The following CTNNA3 variants were observed in gnomAD, a reference collection of about 807,000 sequenced individuals.
The protein encoded by CTNNA3 is catenin alpha-3.
CTNNA3 carries 76 observed loss-of-function variants against 95.7 expected under a neutral mutation model. The ratio of observed to expected loss-of-function variants is 0.79; its 90% CI spans 0.66 to 0.96. The LOEUF is 0.96. Ranked by LOEUF, CTNNA3 falls within the 40% of genes least tolerant of loss-of-function variation. CTNNA3 has a pLI of 0.00. For missense variants in CTNNA3, 1,191 were observed against 1,089.8 expected, an observed-to-expected ratio of 1.09 and a Z score of -1.31; for synonymous variants, 431 against 374.4, an observed-to-expected ratio of 1.15 and a Z score of -1.74.
At chr10:67,367,939 C>T (rs974424762) in intron 5 of CTNNA3, among the ~76,000 whole-genome samples, 1 of 152,042 alleles carries the variant, frequency 6.6e-6, no homozygotes, top group Non-Finnish European at 1.5e-5. Context: ...GGGTACTATG[C>T]TCAGTATGTG....
At position 66,048,336 on chromosome 10, in the gene CTNNA3, T is replaced by C. The variant is rs141749348; in HGVS notation, c.2159+20972A>G. On this transcript the variant is annotated intron_variant, in intron 15 of 17. Coordinates refer to ENST00000433211, the MANE Select transcript of CTNNA3 (RefSeq NM_013266.4). ...AAATAAAGCTGCACATCTACAACCATCTGATCTTTGACAAAGCTGACAAAA... is the reference window on the plus strand; with the variant it reads ...AAATAAAGCTGCACATCTACAACCACCTGATCTTTGACAAAGCTGACAAAA... 9.0e-3 allele frequency among the ~76,000 whole-genome samples: 1,373 copies of C among 152,220 alleles called. 21 individuals carry two copies. The highest frequency in any genetic ancestry group is 0.031 in the African/African-American group (1,279 of 41,542).
intron 3 of CTNNA3, among the ~76,000 whole-genome samples, chr10:67,541,286 A>G (rs1393627490): frequency 1.3e-5 from 2 of 151,996 alleles, no homozygotes; most frequent in Non-Finnish European, 2.9e-5. Flanking sequence ...GGTCTGTCTT[A>G]TCCATTTATG....
At chr10:67,174,375 A>G (rs757999390) in intron 7 of CTNNA3, among the ~76,000 whole-genome samples, 6 of 152,222 alleles carry the variant, frequency 3.9e-5, no homozygotes, top group East Asian at 1.9e-4. Context: ...CTTTTCCCCA[A>G]TGAGCACTGC....
At chr10:66,516,326 GGAA>G (rs1216171375) in intron 11 of CTNNA3, among the ~76,000 whole-genome samples, 14 of 152,090 alleles carry the variant, frequency 9.2e-5, no homozygotes, top group African/African-American at 3.4e-4. Context: ...AGAGAGCAGT[GGAA>G]ACCACTCAGT....
intron 1 of CTNNA3, among the ~76,000 whole-genome samples, chr10:67,724,631 A>T (rs1439990608): frequency 6.6e-6 from 1 of 152,208 alleles, no homozygotes; most frequent in African/African-American, 2.4e-5. Context: ...CAATGGGGGC[A>T]AGGAGCTGAT....
chr10:66,757,720 T>C (rs888297579), intron 9 of CTNNA3, among the ~76,000 whole-genome samples: 1 of 152,210 alleles, frequency 6.6e-6, no homozygotes, highest in African/African-American at 2.4e-5. Flanking sequence ...TCTCCTCTCT[T>C]CATTTAAATA....
intron 13 of CTNNA3, among the ~76,000 whole-genome samples, chr10:66,207,011 C>T (rs1049320859): frequency 4.0e-5 from 6 of 151,864 alleles, no homozygotes; most frequent in Admixed American, 3.9e-4. Context: ...AGAGGATGTG[C>T]ATGTATATTC....
intron 12 of CTNNA3, among the ~76,000 whole-genome samples, chr10:66,306,075 TA>T (rs1018534230): frequency 7.9e-5 from 12 of 152,116 alleles, no homozygotes; most frequent in African/African-American, 2.9e-4. Context: ...AAGCAAATAA[TA>T]AAAAACTGTC....
intron 13 of CTNNA3, among the ~76,000 whole-genome samples, chr10:66,187,989 A>G (rs1390783364): frequency 6.6e-6 from 1 of 152,186 alleles, no homozygotes; most frequent in African/African-American, 2.4e-5. Flanking sequence ...AAAGAAAATT[A>G]TGGAAGTAAG....
chr10:66,845,725 A>AAAAAAAAAAAAAAAAAC (rs1160996707), intron 7 of CTNNA3, among the ~76,000 whole-genome samples: 3 of 100,340 alleles, frequency 3.0e-5, no homozygotes, highest in South Asian at 3.9e-4. Context: ...AAAAAAAAAA[A>AAAAAAAAAAAAAAAAAC]AAAACTAAAA....
intron 17 of CTNNA3, among the ~76,000 whole-genome samples, chr10:65,939,470 G>A (rs1440556683): frequency 1.3e-5 from 2 of 152,066 alleles, no homozygotes; most frequent in Non-Finnish European, 2.9e-5. Context: ...AAATTCTTAT[G>A]TTTAGTTCCT....
chr10:66,692,901 C>G (rs1476806963), intron 9 of CTNNA3, among the ~76,000 whole-genome samples: 3 of 152,070 alleles, frequency 2.0e-5, no homozygotes, highest in Non-Finnish European at 4.4e-5. Context: ...ACTTTACAGA[C>G]AAGCAAATGC....
intron 3 of CTNNA3, 83 bp downstream of exon 3, chr10:67,606,774 A>C: frequency 8.5e-7 from 1 of 1,174,346 alleles, no homozygotes; most frequent in Non-Finnish European, 1.2e-6. Flanking sequence ...AGCCAACAAA[A>C]ACAAAACACT....
intron 10 of CTNNA3, among the ~76,000 whole-genome samples, chr10:66,562,016 C>G (rs1000154137): frequency 6.6e-6 from 1 of 152,064 alleles, no homozygotes; most frequent in East Asian, 1.9e-4. Context: ...TGAGAGGTAA[C>G]AGCTAAGTAT....
At chr10:66,057,315 A>G (rs547457462) in intron 15 of CTNNA3, among the ~76,000 whole-genome samples, 41 of 152,302 alleles carry the variant, frequency 2.7e-4, no homozygotes, top group Non-Finnish European at 4.0e-4. Flanking sequence ...CACGATACAG[A>G]ACCGGTCTGC....
intron 5 of CTNNA3, among the ~76,000 whole-genome samples, chr10:67,503,446 T>A (rs74675207): frequency 2.6e-5 from 4 of 151,684 alleles, no homozygotes; most frequent in African/African-American, 9.7e-5. Context: ...ATCTTAACTA[T>A]TTTTTTTTAT....
Position 66,631,324 on chromosome 10 carries a change from G to C in CTNNA3, c.1282-9540C>G, listed in dbSNP as rs185585064. On this transcript the variant is annotated intron_variant, in intron 9 of 17. Coordinates refer to ENST00000433211, the MANE Select transcript of CTNNA3 (RefSeq NM_013266.4). ...CAAAATTAGACAGAAATTAGACAAA[G>C]GAGAAGAGCTATCAGGCAACGTTCC... Among the ~76,000 whole-genome samples the C allele has an allele frequency of 2.0e-5, 3 of 152,232 alleles. No individual in the cohort carries two copies. In the East Asian group the frequency reaches 5.8e-4, roughly 29 times the overall value.
chr10:67,741,106 C>T (rs985740876), intron 1 of CTNNA3, among the ~76,000 whole-genome samples: 6 of 150,644 alleles, frequency 4.0e-5, no homozygotes, highest in African/African-American at 1.2e-4. Context: ...GGGAACTGAA[C>T]AATGGAAACA....
At chr10:67,394,506 A>G (rs1028809955) in intron 5 of CTNNA3, among the ~76,000 whole-genome samples, 1 of 152,138 alleles carries the variant, frequency 6.6e-6, no homozygotes, top group Non-Finnish European at 1.5e-5. Context: ...TTACCTTTTT[A>G]CAAAGAAAGA....
Sources: gnomAD v4.1 joint callset for allele counts (sites outside exome capture counted in the v4.1 genomes callset) on GRCh38, gnomAD v4.1.1 for gene constraint, MANE v1.5 for transcripts, NCBI Gene and HGNC (gene_info 2026-07-23, HGNC 2026-07-21) for gene names.